The following RYR3 variants were observed in gnomAD, a reference collection of about 807,000 sequenced individuals.
The protein encoded by RYR3 is ryanodine receptor 3.
A neutral mutation model predicts 584.3 loss-of-function variants in RYR3; 207 were observed. That is an observed-to-expected ratio of 0.35 (90% confidence interval 0.32 to 0.40). The LOEUF is 0.40. RYR3 is among the 10% of genes least tolerant of loss of function. The pLI, the probability that RYR3 is intolerant of heterozygous loss-of-function variation, is 1.00. For synonymous variants in RYR3, 2,416 were observed against 2,248.5 expected (o/e 1.07, Z -2.11); for missense variants, 5,616 against 6,089.2 (o/e 0.92, Z 2.59).
At chr15:33,768,901 A>G (rs1255542182) in intron 61 of RYR3, among the ~76,000 whole-genome samples, 194 bp downstream of exon 61, 1 of 152,126 alleles carries the variant, frequency 6.6e-6, no homozygotes, top group Admixed American at 6.6e-5. Context: ...TTCCACACCA[A>G]TGAAAATTTT....
intron 2 of RYR3, among the ~76,000 whole-genome samples, chr15:33,479,464 G>A (rs1246278343): frequency 6.7e-6 from 1 of 148,976 alleles, no homozygotes; most frequent in Non-Finnish European, 1.5e-5. Context: ...AATATGAAGA[G>A]GCATATAAGC....
At chr15:33,531,393 G>A (rs894993018) in intron 4 of RYR3, among the ~76,000 whole-genome samples, 2 of 151,830 alleles carry the variant, frequency 1.3e-5, no homozygotes, top group African/African-American at 4.8e-5. Context: ...GGAGTATTAA[G>A]GAGAATATTA....
intron 1 of RYR3, among the ~76,000 whole-genome samples, chr15:33,333,066 C>CAAACA (rs1491427675): frequency 1.8e-5 from 1 of 55,734 alleles, no homozygotes; most frequent in Non-Finnish European, 3.3e-5. Flanking sequence ...GCCTACCAAC[C>CAAACA]AAAAAAAAAA....
Position 33,838,823 on chromosome 15 carries a change from C to T in RYR3, c.12843C>T (p.Leu4281=). The change falls in exon 89 of 104, where the codon CTC becomes CTT. Residue 4281 remains leucine, a synonymous_variant. Coordinates refer to ENST00000634891, the MANE Select transcript of RYR3 (RefSeq NM_001036.6). ...EKGDTDIMSD[L]FGLHPKKEGS... is the part of the protein sequence containing the mutation. ...GAGATACAGATATCATGTCAGACCT[C>T]TTTGGACTCCACCCAAAGAAAGAGG... 6.2e-7 allele frequency: 1 copy of T among 1,613,908 alleles called. No homozygotes were observed. The highest frequency in any genetic ancestry group is 8.5e-7 in the Non-Finnish European group (1 of 1,179,846).
chr15:33,436,130 T>C (rs2045707806), intron 1 of RYR3, among the ~76,000 whole-genome samples: 1 of 152,214 alleles, frequency 6.6e-6, no homozygotes, highest in African/African-American at 2.4e-5. Flanking sequence ...CAATATCATA[T>C]ATAGCAAGTT....
At chr15:33,736,923 GTGTT>G (rs1430021609) in intron 49 of RYR3, among the ~76,000 whole-genome samples, 2 of 151,796 alleles carry the variant, frequency 1.3e-5, no homozygotes, top group African/African-American at 4.8e-5. Context: ...TAATTTTTGT[GTGTT>G]TGTTTGTTTT....
chr15:33,433,468 A>G (rs2045380232), intron 1 of RYR3, among the ~76,000 whole-genome samples: 1 of 151,840 alleles, frequency 6.6e-6, no homozygotes, highest in South Asian at 2.1e-4. Context: ...TGCTGGACAT[A>G]TAAGATGACA....
chr15:33,840,755 C>T, intron 89 of RYR3, 70 bp from the exon 90 acceptor site: 1 of 1,459,286 alleles, frequency 6.9e-7, no homozygotes, highest in South Asian at 1.2e-5. Flanking sequence ...AGCAAATGGC[C>T]AAGAAAATGT....
chr15:33,550,281 A>G lies in RYR3; in HGVS notation c.937A>G (p.Thr313Ala), dbSNP rs765929086. The G allele has an allele frequency of 6.2e-7, 1 of 1,613,512 alleles. No homozygotes were observed. Among genetic ancestry groups the G allele is most frequent in the East Asian group, 2.2e-5 (1 of 44,834 alleles). The change falls in exon 10 of 104, where the codon ACC (threonine) becomes GCC (alanine). Residue 313 changes from threonine to alanine, a missense_variant. Thr to Ala is a moderately conservative substitution (Grantham distance 58, BLOSUM62 0). Transcript: ENST00000634891. ...ACTGCAAGACCGGGCAAAGTCAGAC[A>G]CCAAGTCCACAGCTTTCTCTTTCCG... ...LILQDRAKSD[T>A]KSTAFSFRAS...
At chr15:33,530,083 C>G (rs997020565) in intron 3 of RYR3, among the ~76,000 whole-genome samples, 1 of 152,146 alleles carries the variant, frequency 6.6e-6, no homozygotes, top group Non-Finnish European at 1.5e-5. Flanking sequence ...TCAGAGCCAT[C>G]TCTCGTTGGT....
chr15:33,855,421 C>T (rs2079550367), intron 98 of RYR3, among the ~76,000 whole-genome samples: 1 of 152,202 alleles, frequency 6.6e-6, no homozygotes, highest in Admixed American at 6.5e-5. Context: ...CCAGGCTGGT[C>T]TCAAACGCCT....
chr15:33,330,104 T>C (rs1166330351), intron 1 of RYR3, among the ~76,000 whole-genome samples: 3 of 152,130 alleles, frequency 2.0e-5, no homozygotes, highest in African/African-American at 7.2e-5. Flanking sequence ...TTGGGTTACA[T>C]TCTATGGAGG....
chr15:33,719,695 G>A (rs776451602), intron 43 of RYR3, among the ~76,000 whole-genome samples: 2 of 152,198 alleles, frequency 1.3e-5, no homozygotes, highest in Non-Finnish European at 2.9e-5. Flanking sequence ...GAGACCACTG[G>A]CTTTTAGAAA....
intron 38 of RYR3, among the ~76,000 whole-genome samples, chr15:33,688,589 AAAG>A (rs201896499): frequency 2.0e-5 from 3 of 151,824 alleles, no homozygotes; most frequent in Non-Finnish European, 1.5e-5. Context: ...AAAAAAAAAA[AAAG>A]ACATTTATGC....
intron 7 of RYR3, among the ~76,000 whole-genome samples, chr15:33,541,742 C>T (rs765516223): frequency 1.3e-5 from 2 of 152,156 alleles, no homozygotes; most frequent in Non-Finnish European, 2.9e-5. Flanking sequence ...TTTCAGAATG[C>T]ATGATAGCTA....
chr15:33,419,799 A>G (rs1004036113), intron 1 of RYR3, among the ~76,000 whole-genome samples: 1 of 152,194 alleles, frequency 6.6e-6, no homozygotes, highest in African/African-American at 2.4e-5. Flanking sequence ...GGAAAAAGTG[A>G]TGCAGTGTGT....
intron 2 of RYR3, among the ~76,000 whole-genome samples, chr15:33,485,952 G>A (rs2050382135): frequency 6.6e-6 from 1 of 152,278 alleles, no homozygotes; most frequent in East Asian, 1.9e-4. Flanking sequence ...AGTAGGGAGA[G>A]TAGTTTAATG....
chr15:33,750,063 G>A lies in RYR3; in HGVS notation c.8275+9G>A, dbSNP rs975753640. 4 of 1,610,776 alleles carry A rather than the reference G, an allele frequency of 2.5e-6. No individual in the cohort carries two copies. Among genetic ancestry groups the A allele is most frequent in the African/African-American group, 1.3e-5 (1 of 74,870 alleles). On this transcript the variant is annotated intron_variant, in intron 56 of 103. Transcript: ENST00000634891. The stretch of plus-strand genomic sequence containing the variant: ...GGAGCTGGAGAGCAAAGGTGAGTGA[G>A]GTTCACAGCATCCCCTAAAGAAGCT...
chr15:33,370,145 G>A (rs1005058965), intron 1 of RYR3, among the ~76,000 whole-genome samples: 3 of 152,290 alleles, frequency 2.0e-5, no homozygotes, highest in Admixed American at 1.3e-4. Flanking sequence ...GGTTTGACTT[G>A]GAAGTATGTC....
Sources: allele counts gnomAD v4.1 joint callset (sites outside exome capture counted in the v4.1 genomes callset), GRCh38; gene constraint gnomAD v4.1.1; transcripts MANE v1.5; gene names NCBI Gene and HGNC (gene_info 2026-07-23, HGNC 2026-07-21).